The following WDFY4 variants were observed in gnomAD, a reference collection of about 807,000 sequenced individuals.
WDFY4 encodes WDFY family member 4, also known as WD repeat- and FYVE domain-containing protein 4.
Under a neutral mutation model 351.9 loss-of-function variants are expected in WDFY4, and 169 were observed. That is an observed-to-expected ratio of 0.48 (90% CI 0.42 to 0.55). WDFY4 has a LOEUF of 0.55. Ranked by LOEUF, WDFY4 falls within the 20% of genes least tolerant of loss-of-function variation. The probability of loss-of-function intolerance (pLI) is 0.00; values close to 1 mark genes in which losing one functional copy is unlikely to be tolerated. For missense variants in WDFY4, 3,803 were observed against 3,935.6 expected (o/e 0.97, Z 0.90); for synonymous variants, 1,622 against 1,574.6 (o/e 1.03, Z -0.71).
chr10:48,899,222 C>T (rs553463773), intron 45 of WDFY4, among the ~76,000 whole-genome samples: 197 of 152,282 alleles, frequency 1.3e-3, no homozygotes, highest in African/African-American at 4.5e-3. Context: ...TCAAGGTATC[C>T]AGGGCAAGCT....
At chr10:48,853,403 A>G (rs760088958) in intron 39 of WDFY4, among the ~76,000 whole-genome samples, 13 of 152,194 alleles carry the variant, frequency 8.5e-5, no homozygotes, top group Non-Finnish European at 1.9e-4. Flanking sequence ...AATCCATTCA[A>G]TTAAGCAAAC....
At chr10:48,785,139 C>A (rs778500727) in intron 19 of WDFY4, among the ~76,000 whole-genome samples, 1 of 152,154 alleles carries the variant, frequency 6.6e-6, no homozygotes, top group South Asian at 2.1e-4. Flanking sequence ...GGATTACAGA[C>A]GTGAGCCATT....
Position 48,686,642 on chromosome 10 carries a change from A to G in WDFY4, c.-18+1641A>G, listed in dbSNP as rs553019229. Among the ~76,000 whole-genome samples, 25 of 152,328 alleles carry G rather than the reference A, an allele frequency of 1.6e-4. 1 individual carries two copies. The South Asian group carries it at 5.0e-3, about 30-fold the overall frequency. On this transcript the variant is annotated intron_variant, in intron 1 of 61. Transcript: ENST00000325239. ...TTTTAAAATTTGCCTAATTGGTTCA[A>G]AAGTTTGTTTCTGAAATTTCTTCAT...
chr10:48,720,310 G>T (rs547044192), intron 3 of WDFY4, among the ~76,000 whole-genome samples, 185 bp downstream of exon 3: 1 of 152,170 alleles, frequency 6.6e-6, no homozygotes, highest in Non-Finnish European at 1.5e-5. Context: ...GGAGGGAAGA[G>T]GGGTCGGGGA....
chr10:48,845,675 T>G (rs934305394), intron 39 of WDFY4, among the ~76,000 whole-genome samples: 11 of 152,208 alleles, frequency 7.2e-5, no homozygotes, highest in Non-Finnish European at 1.3e-4. Context: ...CATCTTAATT[T>G]TATGTATTTA....
At chr10:48,804,723 T>C (rs769577996) in intron 25 of WDFY4, 1 of 985,212 alleles carries the variant, frequency 1.0e-6, no homozygotes, top group African/African-American at 1.7e-5. Context: ...TGGGAGCTGT[T>C]TTCTTTGGGG....
At chr10:48,768,005 G>A (rs1213539611) in intron 13 of WDFY4, among the ~76,000 whole-genome samples, 1 of 152,108 alleles carries the variant, frequency 6.6e-6, no homozygotes, top group East Asian at 1.9e-4. Context: ...TTTCATGCTG[G>A]GGACCACACT....
At position 48,789,766 on chromosome 10, in the gene WDFY4, G is replaced by T. The variant is rs564398055; in HGVS notation, c.3955-108G>T. ...TCATTCCATGATCATTGCTGATGGA[G>T]TGTCAGCACTGGGCCAGGCCCCAGA... is the stretch of plus-strand genomic sequence containing the variant. On this transcript the variant is annotated intron_variant, in intron 21 of 61. Coordinates refer to ENST00000325239, the MANE Select transcript of WDFY4 (RefSeq NM_001394531.1). 4.0e-5 allele frequency: 37 copies of T among 918,108 alleles called. No individual in the cohort carries two copies. In the African/African-American group the frequency reaches 5.8e-4, roughly 15 times the overall value. The allele number at this position is 918,108 out of a possible 1,614,324, so 56.9% of individuals were successfully genotyped here.
At chr10:48,871,465 G>GCT (rs1739385662) in intron 40 of WDFY4, among the ~76,000 whole-genome samples, 1 of 148,960 alleles carries the variant, frequency 6.7e-6, no homozygotes, top group African/African-American at 2.5e-5. Flanking sequence ...TTTTCTGGTG[G>GCT]CCCCCCCCTT....
At chr10:48,841,823 C>A (rs1401537753) in intron 39 of WDFY4, among the ~76,000 whole-genome samples, 1 of 152,210 alleles carries the variant, frequency 6.6e-6, no homozygotes, top group Non-Finnish European at 1.5e-5. Context: ...AGAGTCACTG[C>A]ACACCTGCTG....
intron 57 of WDFY4, 148 bp from the exon 58 acceptor site, chr10:48,974,714 G>C: frequency 2.5e-6 from 2 of 809,392 alleles, no homozygotes; most frequent in Non-Finnish European, 1.9e-6. Context: ...CACACCCCCA[G>C]CTGCACAGAC....
Position 48,811,675 on chromosome 10 carries a change from G to C in WDFY4, c.5181G>C (p.Gln1727His). 6.4e-7 allele frequency: 1 copy of C among 1,551,754 alleles called. No homozygotes were observed. Among genetic ancestry groups the C allele is most frequent in the Non-Finnish European group, 8.7e-7 (1 of 1,147,010 alleles). The change falls in exon 30 of 62, where the codon CAG (glutamine) becomes CAC (histidine). Residue 1727 changes from glutamine (Q) to histidine (H), a missense_variant. Gln to His is a conservative substitution (Grantham distance 24). Transcript: ENST00000325239. ...VYLIVSTFFL[Q>H]TPLTELMDGP... ...TCATCGTCTCCACCTTCTTCCTGCA[G>C]ACACCACTCACAGAGCTGATGGACG...
chr10:48,796,555 A>G, intron 24 of WDFY4, 105 bp downstream of exon 24: 2 of 1,431,072 alleles, frequency 1.4e-6, no homozygotes, highest in Admixed American at 4.8e-5. Context: ...CCTCATAGTC[A>G]TGATGGTAGG....
intron 61 of WDFY4, 25 bp downstream of exon 61, chr10:48,981,503 G>A (rs1478092068): frequency 1.3e-6 from 2 of 1,549,474 alleles, no homozygotes; most frequent in Non-Finnish European, 1.7e-6. Flanking sequence ...GTTTCTCTGG[G>A]TCTCCAGCAG....
chr10:48,786,409 T>A (rs1318409483), intron 19 of WDFY4, among the ~76,000 whole-genome samples: 1 of 152,252 alleles, frequency 6.6e-6, no homozygotes, highest in African/African-American at 2.4e-5. Flanking sequence ...TGTTTCTTAA[T>A]ATTTTTTATC....
intron 12 of WDFY4, among the ~76,000 whole-genome samples, chr10:48,744,863 C>T (rs1424243966): frequency 1.3e-5 from 2 of 152,230 alleles, no homozygotes; most frequent in Admixed American, 6.5e-5. Flanking sequence ...GGCTCCCTCA[C>T]GCTCTTCTGA....
chr10:48,966,647 T>G lies in WDFY4; in HGVS notation c.8558T>G (p.Leu2853Arg). The G allele has an allele frequency of 6.4e-7, 1 of 1,551,770 alleles. No homozygotes were observed. Among genetic ancestry groups the G allele is most frequent in the Non-Finnish European group, 8.7e-7 (1 of 1,146,994 alleles). ...PQPFFYSLQS[L>R]RPSQVTVKDM... ...CCCTTTTTCTACAGCCTGCAGTCGCTGAGGCCCTCCCAGGTCACGGTCAAA... is the reference window on the plus strand; with the variant it reads ...CCCTTTTTCTACAGCCTGCAGTCGCGGAGGCCCTCCCAGGTCACGGTCAAA... The change falls in exon 55 of 62, where the codon CTG becomes CGG. Residue 2853 changes from leucine to arginine, a missense_variant. Around this residue, in one of 3 missense-constraint regions of WDFY4, gnomAD observed 3,054 missense variants for 3,148.6 expected, o/e 0.97. Transcript: ENST00000325239.
intron 13 of WDFY4, among the ~76,000 whole-genome samples, chr10:48,768,858 T>G (rs1423627442): frequency 2.6e-5 from 4 of 151,850 alleles, no homozygotes; most frequent in Non-Finnish European, 5.9e-5. Flanking sequence ...ACTTGCCTCT[T>G]GAGTAATAAG....
chr10:48,960,284 T>C (rs1258402716), intron 53 of WDFY4, among the ~76,000 whole-genome samples: 1 of 152,334 alleles, frequency 6.6e-6, no homozygotes, highest in Non-Finnish European at 1.5e-5. Context: ...GAATCAAATT[T>C]CTGGGTTAGT....
Sources: allele counts gnomAD v4.1 joint callset (sites outside exome capture counted in the v4.1 genomes callset), GRCh38; gene constraint gnomAD v4.1.1; regional missense constraint gnomAD v4.1.1; transcripts MANE v1.5; gene names NCBI Gene and HGNC (gene_info 2026-07-23, HGNC 2026-07-21).